DNAJC1: variants seen among roughly 807,000 people sequenced by gnomAD.
DNAJC1 encodes DnaJ heat shock protein family (Hsp40) member C1, also known as dnaJ homolog subfamily C member 1.
A neutral mutation model predicts 76.6 loss-of-function variants in DNAJC1; 58 were observed. The observed-to-expected ratio is 0.76, with a 90% CI of 0.61 to 0.94. The LOEUF (loss-of-function observed/expected upper bound fraction) is 0.94, where lower values mean the gene tolerates loss of function less well. Among genes scored for constraint, DNAJC1 ranks in the 40% least tolerant of loss-of-function variants. The pLI, the probability that DNAJC1 is intolerant of heterozygous loss-of-function variation, is 0.00. For synonymous variants in DNAJC1, 258 were observed against 267.9 expected (o/e 0.96, Z 0.36); for missense variants, 689 against 677.3 (o/e 1.02, Z -0.19).
intron 1 of DNAJC1, among the ~76,000 whole-genome samples, chr10:21,941,967 A>T (rs1002853936): frequency 1.3e-5 from 2 of 152,166 alleles, no homozygotes; most frequent in African/African-American, 4.8e-5. Flanking sequence ...AATTAATAGA[A>T]ATTTTACTAA....
rs1834462495 is a variant in DNAJC1 at position 21,777,124 on chromosome 10, AC to A, written c.1099-10816del. Among the ~76,000 whole-genome samples, 3 of 152,310 alleles carry A rather than the reference AC, an allele frequency of 2.0e-5. No individual in the cohort carries two copies. The South Asian group carries it at 6.2e-4, about 32-fold the overall frequency. On this transcript the variant is annotated intron_variant, in intron 9 of 11. Transcript: ENST00000376980. Reference sequence around the variant, plus strand: ...CACCAGACCACAGACTATGAGCTAAACCAGTTCTTTAATGAATATCATTAAT... The same window carrying A: ...CACCAGACCACAGACTATGAGCTAAACAGTTCTTTAATGAATATCATTAAT...
chr10:21,777,607 T>C (rs1190386032), intron 9 of DNAJC1, among the ~76,000 whole-genome samples: 1 of 152,166 alleles, frequency 6.6e-6, no homozygotes, highest in Non-Finnish European at 1.5e-5. Flanking sequence ...ACTTTGAAGA[T>C]ATTATCAGAT....
rs371947417 is a variant in DNAJC1, at chr10:22,003,194, C to T, written c.222+19G>A. On this transcript the variant is annotated intron_variant, in intron 1 of 11. Coordinates refer to ENST00000376980, the MANE Select transcript of DNAJC1 (RefSeq NM_022365.4). The stretch of plus-strand genomic sequence containing the variant: ...GCCCTGGCCCCTCTCCGCCCGGCCC[C>T]GCGCGCCTCCTTGCTTACCTGCTGC... 24 of 1,515,188 alleles carry T rather than the reference C, an allele frequency of 1.6e-5. No individual in the cohort carries two copies. Among genetic ancestry groups the T allele is most frequent in the East Asian group, 1.1e-4 (4 of 36,184 alleles). The allele number at this position is 1,515,188 out of a possible 1,614,324, so 93.9% of individuals were successfully genotyped here. A position where few individuals can be genotyped will look rare whatever the true frequency, so the allele number is the denominator to read the frequency against.
intron 1 of DNAJC1, among the ~76,000 whole-genome samples, chr10:21,980,353 A>T (rs987836513): frequency 1.3e-5 from 2 of 152,146 alleles, no homozygotes. Context: ...AGATATATGG[A>T]TATCATGTGC....
chr10:21,909,225 T>C (rs532088784), intron 6 of DNAJC1, among the ~76,000 whole-genome samples: 1 of 152,200 alleles, frequency 6.6e-6, no homozygotes, highest in Non-Finnish European at 1.5e-5. Context: ...AAACCTGCCT[T>C]CATAGACATC....
intron 1 of DNAJC1, among the ~76,000 whole-genome samples, chr10:21,971,634 G>C (rs1837980828): frequency 6.6e-6 from 1 of 151,774 alleles, no homozygotes; most frequent in Non-Finnish European, 1.5e-5. Flanking sequence ...ACAAATTTCT[G>C]CTCATGTCAG....
intron 7 of DNAJC1, among the ~76,000 whole-genome samples, chr10:21,889,436 C>T (rs1219536644): frequency 6.6e-6 from 1 of 152,026 alleles, no homozygotes; most frequent in Non-Finnish European, 1.5e-5. Context: ...TATAAAACTT[C>T]CATTTCAGAA....
At chr10:21,805,439 GACACACACACACACACACAC>G (rs10657199) in intron 9 of DNAJC1, among the ~76,000 whole-genome samples, 5 of 142,746 alleles carry the variant, frequency 3.5e-5, no homozygotes, top group African/African-American at 1.0e-4. Flanking sequence ...GTTACGTATG[GACACACACACACACACACAC>G]ACACACACAC....
chr10:21,868,324 T>C (rs565040696), intron 8 of DNAJC1, among the ~76,000 whole-genome samples: 1 of 151,666 alleles, frequency 6.6e-6, no homozygotes, highest in East Asian at 2.0e-4. Flanking sequence ...GGTTTGTCCA[T>C]ATTGGTCAGG....
Position 21,920,901 on chromosome 10 carries a change from C to T in DNAJC1, c.434G>A (p.Arg145Gln), listed in dbSNP as rs543557264. ...DWRQPVFYYR[R>Q]VRKMSNAELA... ...CTCAGCATTGCTCATTTTTCTCACC[C>T]GCCTGTAGTAGAATACAGGCTGTCG... The change falls in exon 4 of 12, where the codon CGG becomes CAG. Residue 145 changes from arginine to glutamine, a missense_variant. Transcript: ENST00000376980. The T allele has an allele frequency of 1.6e-5, 25 of 1,612,648 alleles. No homozygotes were observed. The highest frequency in any genetic ancestry group is 8.8e-5 in the South Asian group (8 of 90,932).
chr10:21,928,560 A>G lies in DNAJC1; in HGVS notation c.325-8T>C, dbSNP rs774418807. On this transcript the variant is annotated splice_polypyrimidine_tract_variant and splice_region_variant and intron_variant, in intron 2 of 11. Coordinates refer to ENST00000376980, the MANE Select transcript of DNAJC1 (RefSeq NM_022365.4). ...TTCATAAATGGCCACCAACTAAAAT[A>G]AAAGCATTACTTTAAAATAAAAATA... 1 of 1,609,440 alleles carries G rather than the reference A, an allele frequency of 6.2e-7. No individual in the cohort carries two copies. The highest frequency in any genetic ancestry group is 8.5e-7 in the Non-Finnish European group (1 of 1,175,914).
intron 8 of DNAJC1, among the ~76,000 whole-genome samples, chr10:21,847,171 T>G (rs1405172457): frequency 6.6e-6 from 1 of 152,170 alleles, no homozygotes; most frequent in Non-Finnish European, 1.5e-5. Flanking sequence ...ACATTCATAG[T>G]GTGTTATAAG....
Position 22,003,216 on chromosome 10 carries a change from C to A in DNAJC1, c.219G>T (p.Gln73His). ...QLNFYQFLGV[Q>H]QDASSADIRK... ...CCCCGCGCGCCTCCTTGCTTACCTG[C>A]TGCACCCCGAGGAACTGGTAGAAGT... Residue 73 changes from glutamine (Q) to histidine (H), a missense_variant, in exon 1 of 12, where the codon CAG (glutamine) becomes CAT (histidine). Coordinates refer to ENST00000376980, the MANE Select transcript of DNAJC1 (RefSeq NM_022365.4). 1 of 1,554,806 alleles carries A rather than the reference C, an allele frequency of 6.4e-7. No homozygotes were observed. Among genetic ancestry groups the A allele is most frequent in the Non-Finnish European group, 8.7e-7 (1 of 1,151,514 alleles).
In DNAJC1 at chr10:21,962,849, A is replaced by G. The variant is rs181011546; in HGVS notation, c.223-33708T>C. 5.9e-5 allele frequency among the ~76,000 whole-genome samples: 9 copies of G among 152,198 alleles called. No individual in the cohort carries two copies. The East Asian group carries it at 1.5e-3, about 26-fold the overall frequency. ...AAAGTAAAATATTGAAAAAGATCAT[A>G]TAACAATTAAACGGGAAAACCAGGT... On this transcript the variant is annotated intron_variant, in intron 1 of 11. Coordinates refer to ENST00000376980, the MANE Select transcript of DNAJC1 (RefSeq NM_022365.4).
At position 21,756,564 on chromosome 10, in the gene DNAJC1, TATTA is replaced by T. The variant is rs1459267840; in HGVS notation, c.*119_*122del. On this transcript the variant is annotated 3_prime_UTR_variant, in exon 12 of 12. Transcript: ENST00000376980. Reference sequence around the variant, plus strand: ...GCACAACACTCATCTTTTATTTATTTATTATTTTTTTTTACTAAGGCACATGACG... The same window carrying T: ...GCACAACACTCATCTTTTATTTATTTTTTTTTTTTACTAAGGCACATGACG... The T allele has an allele frequency of 5.9e-6, 4 of 672,704 alleles. No individual in the cohort carries two copies. Among genetic ancestry groups the T allele is most frequent in the African/African-American group, 1.8e-5 (1 of 55,196 alleles). The allele number at this position is 672,704 out of a possible 1,614,324, so 41.7% of individuals were successfully genotyped here. A position where few individuals can be genotyped will look rare whatever the true frequency, so the allele number is the denominator to read the frequency against.
At chr10:21,763,877 C>A (rs1305444012) in intron 10 of DNAJC1, among the ~76,000 whole-genome samples, 1 of 152,108 alleles carries the variant, frequency 6.6e-6, no homozygotes, top group African/African-American at 2.4e-5. Flanking sequence ...GTGGAAATCC[C>A]ATTTTTCCCT....
chr10:21,969,346 G>C (rs1012450841), intron 1 of DNAJC1, among the ~76,000 whole-genome samples: 2 of 151,850 alleles, frequency 1.3e-5, no homozygotes, highest in African/African-American at 4.8e-5. Flanking sequence ...GACATATTTA[G>C]CAACATTTCC....
chr10:21,974,527 A>G (rs1487768486), intron 1 of DNAJC1, among the ~76,000 whole-genome samples: 2 of 152,218 alleles, frequency 1.3e-5, no homozygotes, highest in African/African-American at 4.8e-5. Context: ...TGAAACCTAC[A>G]GTAGGAAATA....
chr10:21,790,882 C>A (rs1343555174), intron 9 of DNAJC1, among the ~76,000 whole-genome samples: 1 of 151,946 alleles, frequency 6.6e-6, no homozygotes, highest in Non-Finnish European at 1.5e-5. Context: ...CAATAATAAC[C>A]TTGAATATGA....
Sources: gnomAD v4.1 joint callset for allele counts (sites outside exome capture counted in the v4.1 genomes callset) on GRCh38, gnomAD v4.1.1 for gene constraint, MANE v1.5 for transcripts, NCBI Gene and HGNC (gene_info 2026-07-23, HGNC 2026-07-21) for gene names.